OPCML: variants seen among roughly 807,000 people sequenced by gnomAD.
The protein encoded by OPCML is opioid-binding protein/cell adhesion molecule.
Under a neutral mutation model 37.8 loss-of-function variants are expected in OPCML, and 13 were observed. That is an observed-to-expected ratio of 0.34 (90% CI 0.22 to 0.55). The LOEUF (loss-of-function observed/expected upper bound fraction) is 0.55, where lower values mean the gene tolerates loss of function less well. OPCML is among the 20% of genes least tolerant of loss of function. The probability of loss-of-function intolerance (pLI) is 0.91; values close to 1 mark genes in which losing one functional copy is unlikely to be tolerated. For synonymous variants in OPCML, 176 were observed against 168.8 expected, an observed-to-expected ratio of 1.04 and a Z score of -0.33; for missense variants, 341 against 435.6, an observed-to-expected ratio of 0.78 and a Z score of 1.93.
intron 4 of OPCML, among the ~76,000 whole-genome samples, chr11:132,441,705 T>C (rs1342141875): frequency 6.6e-6 from 1 of 152,182 alleles, no homozygotes; most frequent in Non-Finnish European, 1.5e-5. Flanking sequence ...GCTGTTTCCA[T>C]GGAAAGAGTG....
rs144342365 is a variant in OPCML at position 133,319,808 on chromosome 11, A to G, written c.61+212456T>C. Among the ~76,000 whole-genome samples the G allele has an allele frequency of 6.6e-3, 1,006 of 152,278 alleles. 2 individuals are homozygous for G. The highest frequency in any genetic ancestry group is 0.014 in the Middle Eastern group (4 of 294). On this transcript the variant is annotated intron_variant, in intron 1 of 7. Coordinates refer to ENST00000524381, the MANE Select transcript of OPCML (RefSeq NM_001012393.5). ...TCAGGCTTACAGCTGGCAGCTCCTG[A>G]GGTCGCCCTGGAGGAAACACTGAAA...
At chr11:133,386,483 C>A (rs1478233874) in intron 1 of OPCML, among the ~76,000 whole-genome samples, 1 of 152,148 alleles carries the variant, frequency 6.6e-6, no homozygotes. Context: ...ACGGCACTTC[C>A]TTTTTCTGTC....
intron 1 of OPCML, among the ~76,000 whole-genome samples, chr11:133,522,619 T>G (rs902044708): frequency 2.0e-5 from 3 of 152,172 alleles, no homozygotes; most frequent in African/African-American, 7.2e-5. Context: ...AGGTCCGTTT[T>G]CCAGCAGCGT....
At position 132,953,867 on chromosome 11, in the gene OPCML, C is replaced by T. The variant is rs755286943; in HGVS notation, c.62-10857G>A. 1.2e-3 allele frequency among the ~76,000 whole-genome samples: 183 copies of T among 152,114 alleles called. 7 individuals are homozygous for T. The highest frequency in any genetic ancestry group is 2.8e-4 in the Non-Finnish European group (19 of 68,018). ...AAACAACATTTTTTTATTTAAAGAA[C>T]GAGCAAAATGTATGTAAGGTGGCTT... is the stretch of plus-strand genomic sequence containing the variant. On this transcript the variant is annotated intron_variant, in intron 1 of 7. Transcript: ENST00000524381.
chr11:133,338,768 T>C (rs535711331), intron 1 of OPCML, among the ~76,000 whole-genome samples: 40 of 152,214 alleles, frequency 2.6e-4, no homozygotes, highest in Non-Finnish European at 4.7e-4. Context: ...GAAAGGAGTG[T>C]GTCTGCTAGG....
intron 1 of OPCML, among the ~76,000 whole-genome samples, chr11:132,976,650 A>G (rs1203258578): frequency 6.6e-6 from 1 of 152,258 alleles, no homozygotes; most frequent in Non-Finnish European, 1.5e-5. Flanking sequence ...CAAGGACTCC[A>G]TTGAAAGCTT....
intron 1 of OPCML, chr11:133,007,293 G>T: frequency 1.0e-6 from 1 of 985,394 alleles, no homozygotes; most frequent in South Asian, 4.7e-5. Flanking sequence ...GCTGTTGCAG[G>T]ATACAGCTCC....
At chr11:132,446,103 CTTTTTTTTTT>C (rs58784534) in intron 4 of OPCML, among the ~76,000 whole-genome samples, 17 of 48,516 alleles carry the variant, frequency 3.5e-4, no homozygotes, top group African/African-American at 1.3e-3. Flanking sequence ...CTGCTTGTGT[CTTTTTTTTTT>C]TTTTTTTTTT....
intron 3 of OPCML, among the ~76,000 whole-genome samples, chr11:132,539,083 T>C (rs570851180): frequency 2.0e-5 from 3 of 152,224 alleles, no homozygotes; most frequent in Non-Finnish European, 4.4e-5. Context: ...AGACGTTACA[T>C]TGGAGGTAGA....
At chr11:132,491,130 C>T (rs2096214438) in intron 4 of OPCML, among the ~76,000 whole-genome samples, 1 of 152,208 alleles carries the variant, frequency 6.6e-6, no homozygotes, top group African/African-American at 2.4e-5. Flanking sequence ...CCGCACATCT[C>T]TCCCCAAGAA....
chr11:132,658,133 C>T (rs142823645), intron 2 of OPCML, among the ~76,000 whole-genome samples: 53 of 152,296 alleles, frequency 3.5e-4, no homozygotes, highest in Non-Finnish European at 6.5e-4. Context: ...AAGTGTTGGA[C>T]GTCTGCGCAT....
At chr11:132,731,336 A>C (rs943563186) in intron 2 of OPCML, among the ~76,000 whole-genome samples, 4 of 152,202 alleles carry the variant, frequency 2.6e-5, no homozygotes, top group Admixed American at 2.0e-4. Context: ...AATTTCTAGA[A>C]GGTTGTAACA....
chr11:133,048,302 A>C (rs1948061530), intron 1 of OPCML, among the ~76,000 whole-genome samples: 1 of 152,098 alleles, frequency 6.6e-6, no homozygotes, highest in South Asian at 2.1e-4. Context: ...GCATTAACTC[A>C]ATCGACAAAT....
intron 2 of OPCML, among the ~76,000 whole-genome samples, chr11:132,862,325 A>G (rs1353516737): frequency 6.6e-6 from 1 of 152,160 alleles, no homozygotes; most frequent in African/African-American, 2.4e-5. Context: ...GGCTGGGTGC[A>G]TCATCTGTTT....
chr11:133,264,460 C>T (rs1941591847), intron 1 of OPCML, among the ~76,000 whole-genome samples: 1 of 152,236 alleles, frequency 6.6e-6, no homozygotes, highest in Middle Eastern at 3.4e-3. Flanking sequence ...ACTTGAGAAC[C>T]CCCAACCATT....
chr11:133,295,177 A>C (rs1942598186), intron 1 of OPCML, among the ~76,000 whole-genome samples: 1 of 152,198 alleles, frequency 6.6e-6, no homozygotes, highest in African/African-American at 2.4e-5. Context: ...TATTTTCATC[A>C]TGTCACTCAG....
At chr11:133,495,112 A>C (rs746315500) in intron 1 of OPCML, among the ~76,000 whole-genome samples, 6 of 151,952 alleles carry the variant, frequency 3.9e-5, no homozygotes, top group Non-Finnish European at 7.4e-5. Flanking sequence ...ATGCCTTTGC[A>C]TCCTCATAGC....
intron 4 of OPCML, among the ~76,000 whole-genome samples, chr11:132,461,439 G>A (rs1291882047): frequency 1.3e-5 from 2 of 152,170 alleles, no homozygotes; most frequent in African/African-American, 4.8e-5. Context: ...GGTGCATCCA[G>A]AAAGGTCAAG....
chr11:132,687,104 G>A (rs985596699), intron 2 of OPCML, among the ~76,000 whole-genome samples: 1 of 151,798 alleles, frequency 6.6e-6, no homozygotes, highest in Admixed American at 6.6e-5. Flanking sequence ...GTAGGCACTT[G>A]ACAAACACTG....
Sources: allele counts gnomAD v4.1 joint callset (sites outside exome capture counted in the v4.1 genomes callset), GRCh38; gene constraint gnomAD v4.1.1; transcripts MANE v1.5; gene names NCBI Gene and HGNC (gene_info 2026-07-23, HGNC 2026-07-21).